The following ZBED6 variants were observed in gnomAD, a reference collection of about 807,000 sequenced individuals.
The protein encoded by ZBED6 is zinc finger BED-type containing 6, also known as zinc finger BED domain-containing protein 6.
Under a neutral mutation model 58.4 loss-of-function variants are expected in ZBED6, and 40 were observed. That is an observed-to-expected ratio of 0.68 (90% confidence interval 0.53 to 0.89). The LOEUF is 0.89. ZBED6 is among the 40% of genes least tolerant of loss of function. The pLI, the probability that ZBED6 is intolerant of heterozygous loss-of-function variation, is 0.00. For synonymous variants in ZBED6, 439 were observed against 350.6 expected (o/e 1.25, Z -2.82); for missense variants, 1,057 against 1,003.9 (o/e 1.05, Z -0.71).
intron 7 of ZBED6, among the ~76,000 whole-genome samples, chr1:203,830,516 T>C (rs1003947742): frequency 6.6e-6 from 1 of 152,086 alleles, no homozygotes; most frequent in Non-Finnish European, 1.5e-5. Context: ...AAAGAAATTA[T>C]ATTAAGAGAG....
intron 8 of ZBED6, 38 bp from the exon 9 acceptor site, chr1:203,833,753 T>C: frequency 6.3e-7 from 1 of 1,583,434 alleles, no homozygotes; most frequent in Non-Finnish European, 8.6e-7. Flanking sequence ...ACAGAAAAAT[T>C]GACTAAGGAT....
exon 1 of ZBED6, chr1:203,800,262 C>A: frequency 9.3e-7 from 1 of 1,070,452 alleles, no homozygotes. Context: ...GTGTAGTTGG[C>A]AATCTGAATG....
chr1:203,834,382 C>T (rs1244434527), intron 9 of ZBED6, among the ~76,000 whole-genome samples: 1 of 152,120 alleles, frequency 6.6e-6, no homozygotes, highest in Non-Finnish European at 1.5e-5. Flanking sequence ...AGTGATCCTC[C>T]TGCCCCAGCC....
At chr1:203,840,074 G>T (rs1344132295) in intron 10 of ZBED6, among the ~76,000 whole-genome samples, 15 of 152,152 alleles carry the variant, frequency 9.9e-5, no homozygotes, top group Non-Finnish European at 4.4e-5. Flanking sequence ...AAAGTGCTGG[G>T]ATTACAAGCG....
At chr1:203,811,171 G>A (rs919123270) in intron 1 of ZBED6, among the ~76,000 whole-genome samples, 2 of 151,054 alleles carry the variant, frequency 1.3e-5, no homozygotes, top group African/African-American at 4.9e-5. Flanking sequence ...AGCCAAGTGT[G>A]GTGGTGGGCA....
At chr1:203,837,454 CT>C (rs148758453) in intron 9 of ZBED6, among the ~76,000 whole-genome samples, 219 of 143,860 alleles carry the variant, frequency 1.5e-3, no homozygotes, top group Middle Eastern at 3.6e-3. Flanking sequence ...CCTTGTCTCT[CT>C]TTTTTTTTTT....
At chr1:203,846,850 A>G (rs1263382308) in intron 11 of ZBED6, among the ~76,000 whole-genome samples, 1 of 152,034 alleles carries the variant, frequency 6.6e-6, no homozygotes, top group African/African-American at 2.4e-5. Flanking sequence ...TTGAAATAGA[A>G]ACAATTAGCC....
At chr1:203,822,539 C>T (rs1037845230) in intron 3 of ZBED6, among the ~76,000 whole-genome samples, 2 of 152,074 alleles carry the variant, frequency 1.3e-5, no homozygotes, top group African/African-American at 2.4e-5. Flanking sequence ...CGCACATACT[C>T]CAACTCTGTA....
intron 3 of ZBED6, among the ~76,000 whole-genome samples, chr1:203,825,352 T>C (rs1356343397): frequency 6.6e-6 from 1 of 152,070 alleles, no homozygotes; most frequent in Non-Finnish European, 1.5e-5. Flanking sequence ...TCAACTGTTT[T>C]ATCTTTGGAT....
At chr1:203,838,404 A>C (rs1685031115) in intron 10 of ZBED6, among the ~76,000 whole-genome samples, 1 of 152,226 alleles carries the variant, frequency 6.6e-6, no homozygotes, top group Non-Finnish European at 1.5e-5. Flanking sequence ...AGGTTCACAG[A>C]AGAAGTTATG....
chr1:203,797,746 G>C (rs540483833), exon 1 of ZBED6: 1 of 1,535,404 alleles, frequency 6.5e-7, no homozygotes, highest in African/African-American at 1.4e-5. Context: ...GGGAAAAGGC[G>C]TCGAAAAAAA....
At chr1:203,828,171 A>C in intron 3 of ZBED6, 128 bp from the exon 4 acceptor site, 2 of 1,058,784 alleles carry the variant, frequency 1.9e-6, no homozygotes, top group Non-Finnish European at 1.4e-6. Flanking sequence ...TCTTCCTTCT[A>C]AAAATCATCT....
At chr1:203,826,393 TA>T (rs1680550689) in intron 3 of ZBED6, among the ~76,000 whole-genome samples, 1 of 151,402 alleles carries the variant, frequency 6.6e-6, no homozygotes, top group Non-Finnish European at 1.5e-5. Context: ...TAATTCTTTT[TA>T]AAAATTATAC....
At chr1:203,799,926 T>C (rs1670013658) in exon 1 of ZBED6, 1 of 1,536,152 alleles carries the variant, frequency 6.5e-7, no homozygotes, top group Non-Finnish European at 8.7e-7. Context: ...GGTCTGTAAT[T>C]ATATGGAATC....
In ZBED6 at chr1:203,849,943, A is replaced by G. The variant is rs775471442; in HGVS notation, c.*4555A>G. 2.5e-6 allele frequency: 4 copies of G among 1,614,142 alleles called. No individual in the cohort carries two copies. The East Asian group carries it at 8.9e-5, about 36-fold the overall frequency. On this transcript the variant is annotated 3_prime_UTR_variant, in exon 14 of 17. Transcript: ENST00000550078. Reference sequence around the variant, plus strand: ...CGGCTTCCCACAAAGTCATCCCAGAAGGTGGAGGTAGAAACCTCAGGGATT... The same window carrying G: ...CGGCTTCCCACAAAGTCATCCCAGAGGGTGGAGGTAGAAACCTCAGGGATT...
chr1:203,813,523 A>G (rs989759058), intron 1 of ZBED6, among the ~76,000 whole-genome samples: 17 of 152,182 alleles, frequency 1.1e-4, no homozygotes, highest in Non-Finnish European at 2.4e-4. Context: ...ACATATGTTG[A>G]AAAGACTATC....
chr1:203,800,029 G>A (rs982801150), exon 1 of ZBED6: 1 of 1,535,932 alleles, frequency 6.5e-7, no homozygotes, highest in African/African-American at 1.4e-5. Context: ...CTAAAAGAAG[G>A]CACCTCCAGT....
intron 11 of ZBED6, 98 bp from the exon 12 acceptor site, chr1:203,847,086 C>A: frequency 1.6e-6 from 2 of 1,269,608 alleles, no homozygotes; most frequent in Non-Finnish European, 2.2e-6. Context: ...TAAATGATAG[C>A]TCTCTGTTGG....
chr1:203,816,898 A>G, intron 1 of ZBED6, 28 bp from the exon 2 acceptor site: 1 of 519,172 alleles, frequency 1.9e-6, no homozygotes, highest in African/African-American at 2.0e-5. Context: ...TACCTGAAAT[A>G]TTTTAATTCA....
Sources: allele counts gnomAD v4.1 joint callset (sites outside exome capture counted in the v4.1 genomes callset), GRCh38; gene constraint gnomAD v4.1.1; transcripts MANE v1.5; gene names NCBI Gene and HGNC (gene_info 2026-07-23, HGNC 2026-07-21).